The following UBR7 variants were observed in gnomAD, a reference collection of about 807,000 sequenced individuals.
The protein encoded by UBR7 is putative E3 ubiquitin-protein ligase UBR7.
Under a neutral mutation model 57.0 loss-of-function variants are expected in UBR7, and 22 were observed. The observed-to-expected ratio is 0.39, with a 90% CI of 0.28 to 0.55. The LOEUF (loss-of-function observed/expected upper bound fraction) is 0.55, where lower values mean the gene tolerates loss of function less well. UBR7 is among the 20% of genes least tolerant of loss of function. UBR7 has a pLI of 0.69. For synonymous variants in UBR7, 167 were observed against 179.8 expected (o/e 0.93, Z 0.57); for missense variants, 395 against 513.2 (o/e 0.77, Z 2.23).
At chr14:93,224,799 G>A (rs1265263237) in intron 10 of UBR7, among the ~76,000 whole-genome samples, 1 of 152,184 alleles carries the variant, frequency 6.6e-6, no homozygotes, top group Non-Finnish European at 1.5e-5. Flanking sequence ...GGTGTAATGG[G>A]GCACTCTGCC....
At chr14:93,220,439 A>G in intron 9 of UBR7, 28 bp downstream of exon 9, 2 of 1,613,584 alleles carry the variant, frequency 1.2e-6, no homozygotes, top group African/African-American at 1.3e-5. Flanking sequence ...GTGAAAATTC[A>G]TCATTTCCTT....
chr14:93,215,370 C>A, intron 6 of UBR7, 89 bp downstream of exon 6: 1 of 1,143,758 alleles, frequency 8.7e-7, no homozygotes, highest in Non-Finnish European at 1.3e-6. Flanking sequence ...CTATTTTTAA[C>A]TGGGCTCTGT....
rs865954383 is a variant in UBR7, at chr14:93,219,348, G to C, written c.947G>C (p.Cys316Ser). ...AACTGGCGTAGCAAGTTGTGTACCT[G>C]CCAAGACTGTATGGTAAAGTATCTG... is the stretch of plus-strand genomic sequence containing the variant. Reference protein sequence around the residue: ...PLNWRSKLCTCQDCMKMYGDL... With the variant: ...PLNWRSKLCTSQDCMKMYGDL... Residue 316 changes from cysteine to serine, a missense_variant, in exon 8 of 11, where the codon TGC becomes TCC. Transcript: ENST00000013070. The C allele has an allele frequency of 6.2e-7, 1 of 1,614,082 alleles. No individual in the cohort carries two copies. The highest frequency in any genetic ancestry group is 8.5e-7 in the Non-Finnish European group (1 of 1,180,050).
At chr14:93,221,257 C>T (rs1894701797) in intron 9 of UBR7, among the ~76,000 whole-genome samples, 2 of 151,960 alleles carry the variant, frequency 1.3e-5, no homozygotes, top group Admixed American at 1.3e-4. Flanking sequence ...ATTACAGGCA[C>T]CTGCCACCAT....
chr14:93,213,376 C>G (rs961673745), intron 4 of UBR7, among the ~76,000 whole-genome samples: 2 of 151,540 alleles, frequency 1.3e-5, no homozygotes, highest in Non-Finnish European at 2.9e-5. Context: ...GGCGCGATCT[C>G]GGCTCACTGC....
intron 6 of UBR7, among the ~76,000 whole-genome samples, chr14:93,218,007 T>A (rs528214226): frequency 6.6e-6 from 1 of 151,600 alleles, no homozygotes; most frequent in Admixed American, 6.6e-5. Context: ...GGCAGGAGAA[T>A]TGCCTGAACC....
chr14:93,210,382 A>G (rs1302190582), intron 2 of UBR7, among the ~76,000 whole-genome samples: 1 of 152,180 alleles, frequency 6.6e-6, no homozygotes, highest in Non-Finnish European at 1.5e-5. Flanking sequence ...CTCGCCCAGC[A>G]CTAATGAAAT....
chr14:93,219,187 G>A (rs1228686247), intron 7 of UBR7, 25 bp from the exon 8 acceptor site: 2 of 1,612,734 alleles, frequency 1.2e-6, no homozygotes, highest in South Asian at 2.2e-5. Context: ...TAAAAAACAT[G>A]CTTCAAAACT....
intron 10 of UBR7, chr14:93,223,923 G>A (rs1894773559): frequency 1.4e-6 from 1 of 725,318 alleles, no homozygotes; most frequent in East Asian, 2.6e-5. Context: ...ACCCGCGGTG[G>A]GGACTTCTCA....
chr14:93,227,138 TG>T lies in UBR7; in HGVS notation c.*104del, dbSNP rs1894872100. ...ATTTGGCCCCCTTTCCGTCCTCCTC[TG>T]TTTGGAGAGGCCTCGCGCTCCCTTC... On this transcript the variant is annotated 3_prime_UTR_variant, in exon 11 of 11. Transcript: ENST00000013070. The T allele has an allele frequency of 2.3e-6, 2 of 878,080 alleles. No individual in the cohort carries two copies. Among genetic ancestry groups the T allele is most frequent in the Admixed American group, 3.9e-5 (2 of 51,374 alleles). 54.4% of individuals were successfully genotyped at this position (878,080 alleles called of 1,614,324 possible). A position where few individuals can be genotyped will look rare whatever the true frequency, so the allele number is the denominator to read the frequency against.
intron 1 of UBR7, among the ~76,000 whole-genome samples, chr14:93,208,139 T>G (rs1170733773): frequency 6.6e-6 from 1 of 151,854 alleles, no homozygotes; most frequent in Non-Finnish European, 1.5e-5. Flanking sequence ...TGAGGGGGTG[T>G]GATGTGGTGT....
intron 10 of UBR7, among the ~76,000 whole-genome samples, chr14:93,225,840 G>GGAGCC (rs1409594270): frequency 3.3e-5 from 5 of 152,184 alleles, no homozygotes; most frequent in Non-Finnish European, 7.3e-5. Context: ...CCTTGCTAGA[G>GGAGCC]ATATTTCCTT....
intron 3 of UBR7, among the ~76,000 whole-genome samples, 161 bp downstream of exon 3, chr14:93,210,869 A>G (rs1002242413): frequency 9.2e-5 from 14 of 152,242 alleles, no homozygotes; most frequent in Non-Finnish European, 4.4e-5. Flanking sequence ...GAAAAACTAT[A>G]TAAACTGTTG....
In UBR7 at chr14:93,207,264, C is replaced by A; in HGVS notation, c.-28C>A. 1.3e-6 allele frequency: 2 copies of A among 1,549,142 alleles called. No individual in the cohort carries two copies. Among genetic ancestry groups the A allele is most frequent in the Non-Finnish European group, 8.7e-7 (1 of 1,147,004 alleles). ...CCGCTTTTCCCGCCTCCGCCGGGGCCGAGCCGCTGTTCGGCTGACAGTTGA... is the reference window on the plus strand; with the variant it reads ...CCGCTTTTCCCGCCTCCGCCGGGGCAGAGCCGCTGTTCGGCTGACAGTTGA... On this transcript the variant is annotated 5_prime_UTR_variant, in exon 1 of 11. Coordinates refer to ENST00000013070, the MANE Select transcript of UBR7 (RefSeq NM_175748.4).
intron 9 of UBR7, 133 bp from the exon 10 acceptor site, chr14:93,222,180 T>G: frequency 1.5e-6 from 1 of 679,660 alleles, no homozygotes; most frequent in South Asian, 1.6e-5. Context: ...CGAGTTTCTA[T>G]GCAGCTTTCA....
chr14:93,211,905 T>G (rs564207169), intron 3 of UBR7, 127 bp from the exon 4 acceptor site: 1 of 739,186 alleles, frequency 1.4e-6, no homozygotes, highest in East Asian at 2.9e-5. Context: ...TTTCCTACTT[T>G]GAAAATTAAA....
intron 6 of UBR7, 141 bp from the exon 7 acceptor site, chr14:93,218,386 G>A: frequency 1.3e-6 from 1 of 760,138 alleles, no homozygotes. Context: ...ACTCCAGTGT[G>A]GACGACAGAG....
chr14:93,218,098 A>C (rs10143050), intron 6 of UBR7, among the ~76,000 whole-genome samples: 27,269 of 149,444 alleles, frequency 0.18, 2,540 homozygotes, highest in African/African-American at 0.22. Context: ...CTATCTCAAA[A>C]AAAAAAAAAA....
intron 3 of UBR7, among the ~76,000 whole-genome samples, chr14:93,211,230 T>C (rs1894475108): frequency 6.8e-6 from 1 of 146,792 alleles, no homozygotes; most frequent in South Asian, 2.2e-4. Context: ...AGAGCAAGAC[T>C]CCATCTCAAA....
Sources: allele counts gnomAD v4.1 joint callset (sites outside exome capture counted in the v4.1 genomes callset), GRCh38; gene constraint gnomAD v4.1.1; transcripts MANE v1.5; gene names NCBI Gene and HGNC (gene_info 2026-07-23, HGNC 2026-07-21).